Variants in VPS13B observed in about 807,000 individuals in gnomAD.
VPS13B encodes vacuolar protein sorting 13 homolog B.
A neutral mutation model predicts 426.4 loss-of-function variants in VPS13B; 285 were observed. The ratio of observed to expected loss-of-function variants is 0.67; its 90% CI spans 0.61 to 0.74. The LOEUF (loss-of-function observed/expected upper bound fraction) is 0.74. Among genes scored for constraint, VPS13B ranks in the 30% least tolerant of loss-of-function variants. The pLI is 0.00. For synonymous variants in VPS13B, 1,676 were observed against 1,676.4 expected (o/e 1.00, Z 0.01); for missense variants, 4,537 against 4,782.6 (o/e 0.95, Z 1.51).
chr8:99,846,729 C>A (rs888412337), intron 54 of VPS13B, among the ~76,000 whole-genome samples: 2 of 152,226 alleles, frequency 1.3e-5, no homozygotes, highest in African/African-American at 4.8e-5. Context: ...TGCTTGCCTT[C>A]AGAAGGCCCT....
chr8:99,507,277 G>A, intron 28 of VPS13B, 74 bp downstream of exon 28: 4 of 1,452,170 alleles, frequency 2.8e-6, no homozygotes, highest in East Asian at 2.3e-5. Flanking sequence ...CATAAAATAG[G>A]ACTAATGGTT....
intron 19 of VPS13B, among the ~76,000 whole-genome samples, chr8:99,301,767 G>A (rs1352111832): frequency 2.6e-5 from 4 of 152,134 alleles, no homozygotes; most frequent in Non-Finnish European, 5.9e-5. Context: ...ATACGTTTGT[G>A]TTTTATGTTT....
intron 19 of VPS13B, among the ~76,000 whole-genome samples, chr8:99,331,590 A>G (rs1461743188): frequency 6.6e-6 from 1 of 151,768 alleles, no homozygotes; most frequent in Admixed American, 6.6e-5. Context: ...TTAAAATATA[A>G]CCTGTAAGGG....
Position 99,870,746 on chromosome 8 carries a change from A to G in VPS13B, c.11393-39A>G, listed in dbSNP as rs560972313. ...ATTGCAGCATGAAACTGTTTTCCAG[A>G]AAACAAGTAGTAAAACTCCCTTACT... On this transcript the variant is annotated intron_variant, in intron 59 of 61. Transcript: ENST00000357162. 2.4e-5 allele frequency: 38 copies of G among 1,597,132 alleles called. No homozygotes were observed. In the Admixed American group the frequency reaches 4.3e-4, roughly 18 times the overall value.
At chr8:99,603,553 A>G (rs1356764553) in intron 33 of VPS13B, among the ~76,000 whole-genome samples, 2 of 152,198 alleles carry the variant, frequency 1.3e-5, no homozygotes, top group Admixed American at 6.5e-5. Context: ...TGATCTGATC[A>G]TCAAGATGGC....
chr8:99,497,305 T>G (rs181763882), intron 25 of VPS13B, among the ~76,000 whole-genome samples: 1 of 144,912 alleles, frequency 6.9e-6, no homozygotes, highest in Non-Finnish European at 1.5e-5. Flanking sequence ...CATATATACA[T>G]AAAATAATAT....
At chr8:99,821,880 A>G (rs1049887097) in intron 50 of VPS13B, among the ~76,000 whole-genome samples, 5 of 152,164 alleles carry the variant, frequency 3.3e-5, no homozygotes, top group Non-Finnish European at 7.4e-5. Flanking sequence ...CAAAGTTTAT[A>G]TTTCTGGAAA....
intron 17 of VPS13B, among the ~76,000 whole-genome samples, chr8:99,201,649 T>G (rs1814334153): frequency 6.6e-6 from 1 of 152,152 alleles, no homozygotes; most frequent in Non-Finnish European, 1.5e-5. Context: ...CTTCCTCAGC[T>G]CTTGCAAAAA....
At chr8:99,065,324 C>T (rs1002280241) in intron 3 of VPS13B, among the ~76,000 whole-genome samples, 5 of 152,278 alleles carry the variant, frequency 3.3e-5, no homozygotes, top group Middle Eastern at 3.4e-3. Context: ...ACGATCAAGT[C>T]GGCTTCATCC....
intron 16 of VPS13B, among the ~76,000 whole-genome samples, chr8:99,174,486 A>T (rs1235198825): frequency 6.6e-6 from 1 of 152,174 alleles, no homozygotes; most frequent in African/African-American, 2.4e-5. Flanking sequence ...CTGTTTTTTG[A>T]TAATAGCTAT....
intron 20 of VPS13B, among the ~76,000 whole-genome samples, chr8:99,386,257 T>A (rs1814117108): frequency 6.6e-6 from 1 of 152,218 alleles, no homozygotes; most frequent in Non-Finnish European, 1.5e-5. Flanking sequence ...CCAAGCATAT[T>A]AAAATATTTT....
intron 17 of VPS13B, among the ~76,000 whole-genome samples, chr8:99,252,595 G>A (rs758260545): frequency 5.9e-5 from 9 of 151,932 alleles, no homozygotes; most frequent in African/African-American, 1.4e-4. Flanking sequence ...CTGATATTCC[G>A]TCTATTTGTT....
intron 29 of VPS13B, among the ~76,000 whole-genome samples, chr8:99,515,800 T>G (rs1461067146): frequency 6.6e-6 from 1 of 152,192 alleles, no homozygotes; most frequent in Non-Finnish European, 1.5e-5. Context: ...TGGCTGCTAT[T>G]TCTTACTCTT....
chr8:99,485,469 C>T (rs1052075634), intron 25 of VPS13B, among the ~76,000 whole-genome samples: 9 of 152,162 alleles, frequency 5.9e-5, no homozygotes, highest in African/African-American at 1.9e-4. Flanking sequence ...TATGCTGAGA[C>T]ATGGATTACC....
At chr8:99,596,266 C>T (rs190602648) in intron 33 of VPS13B, among the ~76,000 whole-genome samples, 1 of 151,794 alleles carries the variant, frequency 6.6e-6, no homozygotes, top group African/African-American at 2.4e-5. Flanking sequence ...GTAGCTAAGA[C>T]GTGGTACTTC....
At chr8:99,456,044 A>G (rs1006534263) in intron 23 of VPS13B, among the ~76,000 whole-genome samples, 2 of 152,192 alleles carry the variant, frequency 1.3e-5, no homozygotes, top group African/African-American at 4.8e-5. Context: ...ATCACTTTCT[A>G]AGTGGTTATA....
chr8:99,541,743 T>A (rs1421535859), intron 30 of VPS13B, among the ~76,000 whole-genome samples: 5 of 146,188 alleles, frequency 3.4e-5, no homozygotes, highest in Non-Finnish European at 7.4e-5. Flanking sequence ...AAAATGTATC[T>A]TTTTATTAAG....
chr8:99,390,746 C>T (rs1189654909), intron 20 of VPS13B, among the ~76,000 whole-genome samples: 5 of 152,298 alleles, frequency 3.3e-5, no homozygotes, highest in Non-Finnish European at 7.4e-5. Flanking sequence ...TAAAACGCAA[C>T]GTTTGATGAT....
At chr8:99,023,280 CTG>C (rs776177308) in intron 2 of VPS13B, among the ~76,000 whole-genome samples, 82 of 152,018 alleles carry the variant, frequency 5.4e-4, no homozygotes, top group Non-Finnish European at 1.1e-3. Flanking sequence ...CTAGTAACCA[CTG>C]TTATACTCTC....
Sources: gnomAD v4.1 joint callset for allele counts (sites outside exome capture counted in the v4.1 genomes callset) on GRCh38, gnomAD v4.1.1 for gene constraint, MANE v1.5 for transcripts, NCBI Gene and HGNC (gene_info 2026-07-23, HGNC 2026-07-21) for gene names.